RBFOX1: variants seen among roughly 807,000 people sequenced by gnomAD.
RBFOX1 encodes RNA binding fox-1 homolog 1, also known as RNA binding protein fox-1 homolog 1.
In RBFOX1, 8 loss-of-function variants were observed where a neutral mutation model predicts 57.7. The observed-to-expected ratio is 0.14, with a 90% CI of 0.08 to 0.25. The LOEUF is 0.25. Among genes scored for constraint, RBFOX1 ranks in the 10% least tolerant of loss-of-function variants. The probability of loss-of-function intolerance (pLI) is 1.00; values close to 1 mark genes in which losing one functional copy is unlikely to be tolerated. For missense variants in RBFOX1, 611 were observed against 548.5 expected (o/e 1.11, Z -1.14); for synonymous variants, 326 against 222.4 (o/e 1.47, Z -4.15).
chr16:5,591,869 A>T (rs2047019209), intron 2 of RBFOX1, among the ~76,000 whole-genome samples: 1 of 152,222 alleles, frequency 6.6e-6, no homozygotes, highest in South Asian at 2.1e-4. Flanking sequence ...GCAGATGTTT[A>T]AACAGCAGAC....
At chr16:7,240,560 G>T (rs867490419) in intron 4 of RBFOX1, among the ~76,000 whole-genome samples, 24 of 151,986 alleles carry the variant, frequency 1.6e-4, no homozygotes, top group African/African-American at 5.8e-4. Context: ...GTTTGTTTTT[G>T]TTTGTTTGTT....
At chr16:5,814,308 T>A (rs1490433104) in intron 3 of RBFOX1, among the ~76,000 whole-genome samples, 1 of 152,208 alleles carries the variant, frequency 6.6e-6, no homozygotes, top group Non-Finnish European at 1.5e-5. Flanking sequence ...GATTGTACTC[T>A]GTAAAAGAAT....
At position 7,482,541 on chromosome 16, in the gene RBFOX1, GATT is replaced by G. The variant is rs1208340677; in HGVS notation, c.28-35605_28-35603del. ...ATGCATCTTCCCTTTGATTGCCTGG[GATT>G]TTTTTTTTTTTTTTTTTTTTTTTTG... is the stretch of plus-strand genomic sequence containing the variant. On this transcript the variant is annotated intron_variant, in intron 4 of 15. Coordinates refer to ENST00000550418, the MANE Select transcript of RBFOX1 (RefSeq NM_018723.4). 6.0e-4 allele frequency among the ~76,000 whole-genome samples: 74 copies of G among 122,756 alleles called. 2 individuals carry two copies. The highest frequency in any genetic ancestry group is 2.5e-3 in the African/African-American group (72 of 28,994). 80.5% of individuals were successfully genotyped at this position (122,756 alleles called of 152,430 possible).
intron 4 of RBFOX1, among the ~76,000 whole-genome samples, chr16:5,949,647 G>C (rs2059479602): frequency 6.6e-6 from 1 of 151,838 alleles, no homozygotes; most frequent in South Asian, 2.1e-4. Context: ...TTTCTTGTTG[G>C]TCTTTTACAA....
intron 5 of RBFOX1, among the ~76,000 whole-genome samples, chr16:7,534,693 T>C (rs2081056737): frequency 6.6e-6 from 1 of 152,178 alleles, no homozygotes. Flanking sequence ...GCCGGGGGAA[T>C]GACAGGTTTC....
At chr16:6,282,239 C>A (rs1029134796) in intron 1 of RBFOX1, among the ~76,000 whole-genome samples, 1 of 151,796 alleles carries the variant, frequency 6.6e-6, no homozygotes, top group African/African-American at 2.4e-5. Flanking sequence ...ATGCTGTAAT[C>A]TTAAAGTGAA....
intron 4 of RBFOX1, among the ~76,000 whole-genome samples, chr16:7,331,064 A>T (rs1050052997): frequency 1.3e-5 from 2 of 152,192 alleles, no homozygotes; most frequent in African/African-American, 4.8e-5. Flanking sequence ...AAACCTTGTC[A>T]AGATGGCCAA....
intron 3 of RBFOX1, among the ~76,000 whole-genome samples, chr16:6,926,957 C>T (rs2075701289): frequency 6.6e-6 from 1 of 152,150 alleles, no homozygotes; most frequent in Non-Finnish European, 1.5e-5. Context: ...CTCCTCCTTG[C>T]CTTACTCAGG....
rs565235861 is a variant in RBFOX1, at chr16:6,883,938, G to A, written c.-15-168119G>A. Among the ~76,000 whole-genome samples the A allele has an allele frequency of 4.6e-5, 7 of 152,178 alleles. No individual in the cohort carries two copies. The South Asian group carries it at 6.2e-4, about 14-fold the overall frequency. On this transcript the variant is annotated intron_variant, in intron 3 of 15. Coordinates refer to ENST00000550418, the MANE Select transcript of RBFOX1 (RefSeq NM_018723.4). ...CATCTTTACCCCAGGTACAAATGAC[G>A]TTGCTACTTGCCACGGTCCAAAGCG...
intron 12 of RBFOX1, among the ~76,000 whole-genome samples, chr16:7,654,367 C>T (rs913542188): frequency 3.9e-5 from 6 of 152,080 alleles, no homozygotes; most frequent in Non-Finnish European, 7.4e-5. Flanking sequence ...TCGTCTTGCT[C>T]GCCTCCCCAG....
At chr16:6,579,107 T>C (rs907726632) in intron 2 of RBFOX1, among the ~76,000 whole-genome samples, 3 of 152,236 alleles carry the variant, frequency 2.0e-5, no homozygotes, top group African/African-American at 2.4e-5. Context: ...AATGATGTTA[T>C]GTTTTCTTCT....
At chr16:6,889,372 T>C (rs910718453) in intron 3 of RBFOX1, among the ~76,000 whole-genome samples, 8 of 152,222 alleles carry the variant, frequency 5.3e-5, no homozygotes, top group African/African-American at 1.9e-4. Flanking sequence ...CTTTTCCCTC[T>C]GCAGTAAGGC....
intron 4 of RBFOX1, among the ~76,000 whole-genome samples, chr16:7,224,464 C>G (rs1431876297): frequency 6.6e-6 from 1 of 152,012 alleles, no homozygotes; most frequent in East Asian, 1.9e-4. Flanking sequence ...GCTTCTCAGT[C>G]TTGGCTGCAA....
intron 14 of RBFOX1, among the ~76,000 whole-genome samples, chr16:7,696,086 C>A (rs990988649): frequency 6.6e-6 from 1 of 152,200 alleles, no homozygotes; most frequent in African/African-American, 2.4e-5. Flanking sequence ...AGTGCCAACA[C>A]ATCTGGTCTG....
chr16:6,218,346 T>C (rs1598461282), intron 1 of RBFOX1, among the ~76,000 whole-genome samples: 1 of 152,160 alleles, frequency 6.6e-6, no homozygotes, highest in South Asian at 2.1e-4. Context: ...TCTCACTCTA[T>C]TGCCCAGGCT....
At chr16:6,892,770 GTCTCCCTC>G (rs1298191593) in intron 3 of RBFOX1, among the ~76,000 whole-genome samples, 2,015 of 91,740 alleles carry the variant, frequency 0.022, 108 homozygotes, top group East Asian at 0.055. Context: ...AAGCCTCCCT[GTCTCCCTC>G]TCTCTCTCTC....
chr16:5,875,102 G>C (rs958158988), intron 4 of RBFOX1, among the ~76,000 whole-genome samples: 5 of 152,244 alleles, frequency 3.3e-5, no homozygotes, highest in African/African-American at 1.2e-4. Context: ...GCGGGGAGAT[G>C]AGTAAGAACC....
chr16:7,123,102 C>A (rs1399423023), intron 4 of RBFOX1, among the ~76,000 whole-genome samples: 2 of 152,224 alleles, frequency 1.3e-5, no homozygotes, highest in East Asian at 1.9e-4. Flanking sequence ...GGTGATGGAA[C>A]TCTTCTGCTT....
intron 3 of RBFOX1, among the ~76,000 whole-genome samples, chr16:6,681,371 C>T (rs1430706145): frequency 6.6e-6 from 1 of 152,160 alleles, no homozygotes; most frequent in East Asian, 1.9e-4. Context: ...TCTTTGCTAC[C>T]TTGGTTAAAA....
Sources: allele counts gnomAD v4.1 joint callset (sites outside exome capture counted in the v4.1 genomes callset), GRCh38; gene constraint gnomAD v4.1.1; transcripts MANE v1.5; gene names NCBI Gene and HGNC (gene_info 2026-07-23, HGNC 2026-07-21).